CLN8: variants seen among roughly 807,000 people sequenced by gnomAD.
The protein encoded by CLN8 is CLN8 transmembrane ER and ERGIC protein.
A neutral mutation model predicts 15.7 loss-of-function variants in CLN8; 14 were observed. That is an observed-to-expected ratio of 0.89 (90% CI 0.59 to 1.39). CLN8 has a LOEUF of 1.39. Among genes scored for constraint, CLN8 ranks in the 40% most tolerant of loss-of-function variants. CLN8 has a pLI of 0.00. For missense variants in CLN8, 415 were observed against 364.0 expected, an observed-to-expected ratio of 1.14 and a Z score of -1.14; for synonymous variants, 188 against 151.0, an observed-to-expected ratio of 1.25 and a Z score of -1.80.
Position 1,771,489 on chromosome 8 carries a change from G to A in CLN8, c.435G>A (p.Gly145=), listed in dbSNP as rs1801304121. ...TCCACCATCTCTTTGCCTTTCTTGG[G>A]TTTCTTGGCTGCTTGGTCAATCTCC... ...LVIHHLFAFL[G]FLGCLVNLQA... The change falls in exon 2 of 3, where the codon GGG becomes GGA. Residue 145 remains glycine, a synonymous_variant. Coordinates refer to ENST00000331222, the MANE Select transcript of CLN8 (RefSeq NM_018941.4). The A allele has an allele frequency of 6.2e-7, 1 of 1,614,152 alleles. No individual in the cohort carries two copies. The highest frequency in any genetic ancestry group is 8.5e-7 in the Non-Finnish European group (1 of 1,180,050).
At chr8:1,764,466 G>A (rs139945976) in intron 1 of CLN8, 161 of 152,398 alleles carry the variant, frequency 1.1e-3, no homozygotes, top group Admixed American at 1.9e-3. Flanking sequence ...GGCGGCTCCT[G>A]CAGAGCCACA....
Position 1,786,365 on chromosome 8 carries a change from C to T in CLN8, c.*5798C>T, listed in dbSNP as rs1055483961. 2.0e-5 allele frequency: 3 copies of T among 152,242 alleles called. No homozygotes were observed. Among genetic ancestry groups the T allele is most frequent in the Non-Finnish European group, 4.4e-5 (3 of 68,046 alleles). The allele number at this position is 152,242 out of a possible 1,614,324, so 9.4% of individuals were successfully genotyped here. On this transcript the variant is annotated 3_prime_UTR_variant, in exon 3 of 3. Coordinates refer to ENST00000331222, the MANE Select transcript of CLN8 (RefSeq NM_018941.4). The stretch of plus-strand genomic sequence containing the variant: ...AGACTTTCACGAATGCATGTTGACG[C>T]TTTCAGTTCACCCCTTTCTTTGCTA...
At chr8:1,765,162 A>G (rs1800999276) in intron 1 of CLN8, 1 of 152,176 alleles carries the variant, frequency 6.6e-6, no homozygotes, top group Non-Finnish European at 1.5e-5. Flanking sequence ...GGCCTCAGAG[A>G]TGTTCAATAC....
In CLN8 at chr8:1,780,426, G is replaced by A. The variant is rs779630521; in HGVS notation, c.720G>A (p.Leu240=). The A allele has an allele frequency of 3.7e-6, 6 of 1,614,114 alleles. No individual in the cohort carries two copies. Among genetic ancestry groups the A allele is most frequent in the South Asian group, 3.3e-5 (3 of 91,090 alleles). The change falls in exon 3 of 3, where the codon CTG becomes CTA. Residue 240 remains leucine (L), a synonymous_variant. Coordinates refer to ENST00000331222, the MANE Select transcript of CLN8 (RefSeq NM_018941.4). ...HLTLFLVGLA[L]LTLIINPYWT... is the part of the protein sequence containing the mutation. ...CACTGTTCCTTGTCGGACTGGCTCT[G>A]CTTACGCTAATCATTAATCCATATT...
intron 1 of CLN8, among the ~76,000 whole-genome samples, chr8:1,770,242 A>G (rs961218033): frequency 1.3e-5 from 2 of 152,182 alleles, no homozygotes; most frequent in African/African-American, 4.8e-5. Context: ...TGGGGAAGGT[A>G]AAGACTTTTC....
upstream of CLN8, among the ~76,000 whole-genome samples, chr8:1,753,500 G>A (rs1800598839): frequency 1.3e-5 from 2 of 151,498 alleles, no homozygotes; most frequent in East Asian, 1.9e-4. Context: ...GAACCCAGGA[G>A]GTGGAGGTTG....
intron 1 of CLN8, among the ~76,000 whole-genome samples, chr8:1,765,581 G>A (rs145754597): frequency 9.3e-4 from 141 of 152,236 alleles, no homozygotes; most frequent in African/African-American, 3.3e-3. Context: ...CTCTTGTCAG[G>A]TTATATTTCA....
rs181598783 is a variant in CLN8 at position 1,768,588 on chromosome 8, G to A, written c.-123-2344G>A. ...GGAAAAGTACAGGGAGAAGTTTTAC[G>A]AGGGGTCCATATTTTAACCTTTAAC... On this transcript the variant is annotated intron_variant, in intron 1 of 2. Transcript: ENST00000331222. 3.9e-5 allele frequency among the ~76,000 whole-genome samples: 6 copies of A among 152,324 alleles called. No homozygotes were observed. The East Asian group carries it at 9.7e-4, about 25-fold the overall frequency.
chr8:1,771,691 C>G, intron 2 of CLN8, 94 bp downstream of exon 2: 1 of 1,156,962 alleles, frequency 8.6e-7, no homozygotes, highest in East Asian at 2.5e-5. Flanking sequence ...CAACAGCAGG[C>G]TGGATTGCAG....
intron 1 of CLN8, among the ~76,000 whole-genome samples, chr8:1,767,961 G>A (rs1193540255): frequency 6.9e-6 from 1 of 144,536 alleles, no homozygotes; most frequent in African/African-American, 2.5e-5. Flanking sequence ...TTTTTTTTTT[G>A]AGATGGAGTT....
chr8:1,767,747 A>G (rs1663147377), intron 1 of CLN8, among the ~76,000 whole-genome samples: 1 of 149,954 alleles, frequency 6.7e-6, no homozygotes, highest in African/African-American at 2.5e-5. Context: ...AATTTTTTGT[A>G]TCTCTAATAG....
upstream of CLN8, among the ~76,000 whole-genome samples, chr8:1,754,750 A>C (rs1481753709): frequency 6.6e-6 from 1 of 152,234 alleles, no homozygotes; most frequent in Non-Finnish European, 1.5e-5. Context: ...GTCTGTAGAC[A>C]TCCCAACACC....
At chr8:1,763,365 C>T (rs1271290844), upstream of CLN8, 1 of 114,188 alleles carries the variant, frequency 8.8e-6, no homozygotes, top group Non-Finnish European at 1.9e-5. Flanking sequence ...TTCAGCGCGT[C>T]CACCCCGCCG....
At chr8:1,758,008 A>G (rs1270086989) in intron 1 of CLN8, among the ~76,000 whole-genome samples, 1 of 152,144 alleles carries the variant, frequency 6.6e-6, no homozygotes, top group Non-Finnish European at 1.5e-5. Flanking sequence ...CAACCCCTCC[A>G]AGGTCACACA....
upstream of CLN8, among the ~76,000 whole-genome samples, chr8:1,760,788 G>A (rs1174525889): frequency 6.6e-6 from 1 of 152,142 alleles, no homozygotes; most frequent in African/African-American, 2.4e-5. Context: ...GTCGCAGAGT[G>A]CAGTGAGAGA....
At chr8:1,757,994 T>C (rs962140053) in intron 1 of CLN8, among the ~76,000 whole-genome samples, 5 of 152,088 alleles carry the variant, frequency 3.3e-5, no homozygotes, top group Non-Finnish European at 5.9e-5. Flanking sequence ...TCAGAGAGGT[T>C]AAGCAACCCC....
chr8:1,772,982 C>A (rs570390163), intron 2 of CLN8: 1 of 398,524 alleles, frequency 2.5e-6, no homozygotes, highest in East Asian at 3.6e-5. Flanking sequence ...CCTTCGGGGT[C>A]GAGGTGGGTA....
At chr8:1,759,027 C>T (rs1800732786), upstream of CLN8, 1 of 152,146 alleles carries the variant, frequency 6.6e-6, no homozygotes, top group Non-Finnish European at 1.5e-5. Flanking sequence ...TGATTTCTTC[C>T]AGGGCCTGCT....
chr8:1,754,243 C>T (rs1227854946), upstream of CLN8, among the ~76,000 whole-genome samples: 4 of 152,204 alleles, frequency 2.6e-5, no homozygotes, highest in African/African-American at 4.8e-5. Context: ...CTGGCCTGCC[C>T]GTTGCTCCCT....
Sources: gnomAD v4.1 joint callset for allele counts (sites outside exome capture counted in the v4.1 genomes callset) on GRCh38, gnomAD v4.1.1 for gene constraint, MANE v1.5 for transcripts, NCBI Gene and HGNC (gene_info 2026-07-23, HGNC 2026-07-21) for gene names.